Variants in WDR59 observed in about 807,000 individuals in gnomAD.
WDR59 encodes WD repeat domain 59, also known as GATOR2 complex protein WDR59.
A neutral mutation model predicts 131.2 loss-of-function variants in WDR59; 100 were observed. The observed-to-expected ratio is 0.76, with a 90% CI of 0.65 to 0.90. WDR59 has a LOEUF of 0.90. WDR59 is among the 40% of genes least tolerant of loss of function. WDR59 has a pLI of 0.00. For synonymous variants in WDR59, 601 were observed against 466.2 expected (o/e 1.29, Z -3.72); for missense variants, 1,203 against 1,262.2 (o/e 0.95, Z 0.71).
intron 2 of WDR59, chr16:74,959,307 G>A (rs1447772241): frequency 7.3e-6 from 2 of 274,560 alleles, no homozygotes; most frequent in Non-Finnish European, 1.4e-5. Flanking sequence ...AAACTCTGCA[G>A]ACAATGACAT....
intron 18 of WDR59, among the ~76,000 whole-genome samples, chr16:74,901,616 C>A (rs1167145774): frequency 6.6e-6 from 1 of 151,056 alleles, no homozygotes; most frequent in African/African-American, 2.4e-5. Context: ...GCACTCTAGC[C>A]TGGGCAATGG....
chr16:74,943,289 T>C (rs2032372467), intron 6 of WDR59, among the ~76,000 whole-genome samples: 1 of 151,856 alleles, frequency 6.6e-6, no homozygotes. Flanking sequence ...AAACACAGCC[T>C]TAGCTGAAGA....
At chr16:74,885,423 G>C (rs1964703753) in intron 25 of WDR59, among the ~76,000 whole-genome samples, 3 of 124,658 alleles carry the variant, frequency 2.4e-5, no homozygotes, top group Admixed American at 1.1e-4. Context: ...ACTCCAGCCT[G>C]GGCAACAAGA....
intron 2 of WDR59, among the ~76,000 whole-genome samples, chr16:74,958,887 A>G (rs1217200531): frequency 6.6e-6 from 1 of 151,448 alleles, no homozygotes; most frequent in African/African-American, 2.4e-5. Context: ...ACATGGAGAA[A>G]CCCCTGACTA....
chr16:74,931,206 T>G (rs978947723), intron 8 of WDR59, among the ~76,000 whole-genome samples: 7 of 152,166 alleles, frequency 4.6e-5, no homozygotes, highest in African/African-American at 1.7e-4. Flanking sequence ...CTAAATTATG[T>G]AACTATTTAT....
At chr16:74,976,649 G>T (rs1264065786) in intron 1 of WDR59, among the ~76,000 whole-genome samples, 10 of 152,092 alleles carry the variant, frequency 6.6e-5, no homozygotes, top group Admixed American at 5.9e-4. Context: ...CACTGTGTTA[G>T]CCAGGATGGT....
intron 2 of WDR59, among the ~76,000 whole-genome samples, chr16:74,964,559 A>G (rs1026719611): frequency 6.6e-6 from 1 of 152,168 alleles, no homozygotes; most frequent in African/African-American, 2.4e-5. Context: ...CACGTTTACC[A>G]TGTTGTATAC....
At chr16:74,897,601 A>G (rs936775570) in intron 18 of WDR59, among the ~76,000 whole-genome samples, 15 of 152,190 alleles carry the variant, frequency 9.9e-5, no homozygotes, top group Non-Finnish European at 2.2e-4. Context: ...TGGATGGATA[A>G]GAGGTGCTTT....
intron 23 of WDR59, 48 bp from the exon 24 acceptor site, chr16:74,886,444 G>A (rs1183984335): frequency 6.2e-7 from 1 of 1,600,758 alleles, no homozygotes; most frequent in Non-Finnish European, 8.5e-7. Flanking sequence ...GAGAAGGCAT[G>A]GAAAATATCT....
rs1405182625 is a variant in WDR59, at chr16:74,872,364, C to CT, written c.*1844dup. On this transcript the variant is annotated 3_prime_UTR_variant, in exon 26 of 26. Coordinates refer to ENST00000262144, the MANE Select transcript of WDR59 (RefSeq NM_030581.4). Reference sequence around the variant, plus strand: ...TCAGTAGAAATAATAAAAAAGATTTCTTTTCACTGGCACATACAAAATGTG... The same window carrying CT: ...TCAGTAGAAATAATAAAAAAGATTTCTTTTTCACTGGCACATACAAAATGTG... 1 of 152,086 alleles carries CT rather than the reference C, an allele frequency of 6.6e-6. No individual in the cohort carries two copies. The highest frequency in any genetic ancestry group is 1.5e-5 in the Non-Finnish European group (1 of 68,012). 9.4% of individuals were successfully genotyped at this position (152,086 alleles called of 1,614,324 possible). A position where few individuals can be genotyped will look rare whatever the true frequency, so the allele number is the denominator to read the frequency against.
chr16:74,982,007 G>C (rs767763206), intron 1 of WDR59, among the ~76,000 whole-genome samples: 1 of 137,786 alleles, frequency 7.3e-6, no homozygotes, highest in Middle Eastern at 3.7e-3. Flanking sequence ...TGTAATCCCA[G>C]CACTTTGGGA....
In WDR59 at chr16:74,905,550, C is replaced by T. The variant is rs570276767; in HGVS notation, c.1713-1450G>A. 1.4e-3 allele frequency among the ~76,000 whole-genome samples: 215 copies of T among 151,334 alleles called. 2 individuals carry two copies. The highest frequency in any genetic ancestry group is 5.0e-3 in the African/African-American group (206 of 41,240). On this transcript the variant is annotated intron_variant, in intron 17 of 25. Coordinates refer to ENST00000262144, the MANE Select transcript of WDR59 (RefSeq NM_030581.4). ...ACAAAAAATTAGCCAGGCGTGGTGG[C>T]GGGCGCCTGTAGTCCCAGCTACTCG...
Position 74,874,036 on chromosome 16 carries a change from C to T in WDR59, c.*173G>A, listed in dbSNP as rs1052573119. 2.5e-5 allele frequency: 15 copies of T among 609,996 alleles called. No individual in the cohort carries two copies. The highest frequency in any genetic ancestry group is 1.7e-4 in the African/African-American group (9 of 53,978). 37.8% of individuals were successfully genotyped at this position (609,996 alleles called of 1,614,324 possible). A position where few individuals can be genotyped will look rare whatever the true frequency, so the allele number is the denominator to read the frequency against. On this transcript the variant is annotated 3_prime_UTR_variant, in exon 26 of 26. Coordinates refer to ENST00000262144, the MANE Select transcript of WDR59 (RefSeq NM_030581.4). ...GTGACATCCACACCAGGTGGCCAAA[C>T]AGAAGAGAAGGCAGAGGCCCACCAA...
intron 1 of WDR59, among the ~76,000 whole-genome samples, chr16:74,976,548 T>G (rs1020684884): frequency 6.6e-6 from 1 of 151,964 alleles, no homozygotes; most frequent in African/African-American, 2.4e-5. Context: ...TTCGAGCGAT[T>G]CTCCTGCCTC....
rs180724900 is a variant in WDR59 at position 74,934,740 on chromosome 16, G to A, written c.651+3410C>T. ...AAGCAGGAAGACTGCTTGAGCCCAG[G>A]AGTTCAAAACCAGCCTGGGCAAGAC... On this transcript the variant is annotated intron_variant, in intron 8 of 25. Coordinates refer to ENST00000262144, the MANE Select transcript of WDR59 (RefSeq NM_030581.4). Among the ~76,000 whole-genome samples the A allele has an allele frequency of 9.0e-4, 137 of 152,234 alleles. 1 individual carries two copies. Among genetic ancestry groups the A allele is most frequent in the African/African-American group, 3.0e-3 (123 of 41,548 alleles).
intron 9 of WDR59, among the ~76,000 whole-genome samples, chr16:74,922,661 G>T (rs1031937882): frequency 1.3e-5 from 2 of 152,282 alleles, no homozygotes; most frequent in South Asian, 4.1e-4. Flanking sequence ...GTAGCTAAGG[G>T]TTCCATTCAG....
rs550952311 is a variant in WDR59, at chr16:74,982,734, G to T, written c.54+2230C>A. Among the ~76,000 whole-genome samples the T allele has an allele frequency of 2.0e-5, 3 of 152,308 alleles. No homozygotes were observed. The South Asian group carries it at 6.2e-4, about 32-fold the overall frequency. On this transcript the variant is annotated intron_variant, in intron 1 of 25. Transcript: ENST00000262144. ...GGAGAGCAGGTCTCACGGAGACTCT[G>T]TGCTGACAGTACTTGGGGGTCCTTA...
chr16:74,977,347 C>A (rs1038192068), intron 1 of WDR59, among the ~76,000 whole-genome samples: 7 of 152,042 alleles, frequency 4.6e-5, no homozygotes, highest in Admixed American at 6.6e-5. Flanking sequence ...TATAACCATA[C>A]AGAACTGGAA....
intron 20 of WDR59, among the ~76,000 whole-genome samples, chr16:74,890,984 C>T (rs561392182): frequency 1.1e-3 from 163 of 152,056 alleles, no homozygotes; most frequent in Non-Finnish European, 1.7e-3. Flanking sequence ...CATGGTGGCA[C>T]ACGCCTGTAG....
Sources: gnomAD v4.1 joint callset for allele counts (sites outside exome capture counted in the v4.1 genomes callset) on GRCh38, gnomAD v4.1.1 for gene constraint, MANE v1.5 for transcripts, NCBI Gene and HGNC (gene_info 2026-07-23, HGNC 2026-07-21) for gene names.